The following WBP4 variants were observed in gnomAD, a reference collection of about 807,000 sequenced individuals.
WBP4 encodes WW domain-binding protein 4.
In WBP4, 37 loss-of-function variants were observed where a neutral mutation model predicts 55.4. That is an observed-to-expected ratio of 0.67 (90% CI 0.51 to 0.88). The LOEUF is 0.88. Ranked by LOEUF, WBP4 falls within the 40% of genes least tolerant of loss-of-function variation. The pLI is 0.00. For missense variants in WBP4, 398 were observed against 420.8 expected, an observed-to-expected ratio of 0.95 and a Z score of 0.47; for synonymous variants, 142 against 140.2, an observed-to-expected ratio of 1.01 and a Z score of -0.09.
At chr13:41,067,958 G>A (rs1337335137) in intron 4 of WBP4, among the ~76,000 whole-genome samples, 1 of 152,188 alleles carries the variant, frequency 6.6e-6, no homozygotes, top group East Asian at 1.9e-4. Flanking sequence ...AAGGGAGCAG[G>A]TAGTGGGGAA....
At chr13:41,072,984 A>G (rs1878317590) in intron 7 of WBP4, 127 bp downstream of exon 7, 2 of 671,176 alleles carry the variant, frequency 3.0e-6, no homozygotes, top group Admixed American at 3.5e-5. Context: ...AGTAAACATG[A>G]ATTATTTTTT....
chr13:41,063,045 CT>C (rs1178764119), intron 2 of WBP4, among the ~76,000 whole-genome samples: 1 of 152,052 alleles, frequency 6.6e-6, no homozygotes. Context: ...GTGGAAAGCC[CT>C]TAAAAAATAA....
Position 41,065,090 on chromosome 13 carries a change from T to C in WBP4, c.138+12T>C. On this transcript the variant is annotated intron_variant, in intron 3 of 9. Coordinates refer to ENST00000379487, the MANE Select transcript of WBP4 (RefSeq NM_007187.5). Reference sequence around the variant, plus strand: ...AAAGGATCAGTGAGGTAATTTAGATTGTTTATTTGCTAATTTTTCTATGCA... The same window carrying C: ...AAAGGATCAGTGAGGTAATTTAGATCGTTTATTTGCTAATTTTTCTATGCA... The C allele has an allele frequency of 3.1e-6, 5 of 1,599,642 alleles. No individual in the cohort carries two copies. Among genetic ancestry groups the C allele is most frequent in the Non-Finnish European group, 2.6e-6 (3 of 1,176,124 alleles).
At chr13:41,072,009 G>A (rs1378120887) in intron 6 of WBP4, among the ~76,000 whole-genome samples, 7 of 137,030 alleles carry the variant, frequency 5.1e-5, no homozygotes, top group African/African-American at 2.0e-4. Context: ...TTGCACCACC[G>A]CACTCCAGCC....
chr13:41,080,905 C>G, intron 9 of WBP4, 96 bp downstream of exon 9: 3 of 1,356,446 alleles, frequency 2.2e-6, no homozygotes, highest in Non-Finnish European at 3.1e-6. Context: ...GGATGCTGTG[C>G]TTATTAAAAG....
chr13:41,078,142 TCTGAAATTTATGTG>T (rs1285384679), intron 8 of WBP4, among the ~76,000 whole-genome samples: 2 of 152,184 alleles, frequency 1.3e-5, no homozygotes, highest in African/African-American at 4.8e-5. Context: ...AAAAGCCAAT[TCTGAAATTTATGTG>T]AAACCAAAAA....
At chr13:41,080,523 G>T in intron 8 of WBP4, 123 bp from the exon 9 acceptor site, 4 of 706,100 alleles carry the variant, frequency 5.7e-6, no homozygotes, top group Non-Finnish European at 9.2e-6. Context: ...TGTGTTATGT[G>T]CAGATTTGAG....
intron 2 of WBP4, among the ~76,000 whole-genome samples, chr13:41,064,245 TTCTC>T (rs575501521): frequency 6.6e-6 from 1 of 152,156 alleles, no homozygotes; most frequent in Non-Finnish European, 1.5e-5. Context: ...AAGAGCTTCT[TTCTC>T]TCTGTTACAG....
At chr13:41,076,850 T>TTAGAGTAAGGGTTATGTGCA (rs1878516665) in intron 8 of WBP4, among the ~76,000 whole-genome samples, 1 of 152,180 alleles carries the variant, frequency 6.6e-6, no homozygotes, top group Non-Finnish European at 1.5e-5. Context: ...TTGATGGAAC[T>TTAGAGTAAGGGTTATGTGCA]TAGAGTAAGG....
At chr13:41,062,035 C>A (rs548257884) in intron 1 of WBP4, 2 of 978,634 alleles carry the variant, frequency 2.0e-6, no homozygotes, top group Non-Finnish European at 2.4e-6. Flanking sequence ...TATTGTGAAA[C>A]TAGGGCTGGG....
intron 8 of WBP4, among the ~76,000 whole-genome samples, chr13:41,077,146 G>A (rs1878531928): frequency 6.6e-6 from 1 of 152,108 alleles, no homozygotes; most frequent in South Asian, 2.1e-4. Flanking sequence ...CTTTATTCCA[G>A]GGATGAAAGG....
chr13:41,077,214 A>G (rs1334704121), intron 8 of WBP4, among the ~76,000 whole-genome samples: 2 of 151,976 alleles, frequency 1.3e-5, no homozygotes, highest in African/African-American at 2.4e-5. Context: ...ATTAAAAACA[A>G]CCATATAATC....
At position 41,071,507 on chromosome 13, in the gene WBP4, G is replaced by A; in HGVS notation, c.440-20G>A. ...TTTAAAGCAAAAAGATTTTATAAAT[G>A]CAATATATTTTGCTTTAAGCATCTC... On this transcript the variant is annotated intron_variant, in intron 5 of 9. Coordinates refer to ENST00000379487, the MANE Select transcript of WBP4 (RefSeq NM_007187.5). The A allele has an allele frequency of 1.3e-6, 2 of 1,584,348 alleles. No homozygotes were observed. Among genetic ancestry groups the A allele is most frequent in the Non-Finnish European group, 1.7e-6 (2 of 1,169,846 alleles).
chr13:41,068,630 A>C lies in WBP4; in HGVS notation c.332A>C (p.Lys111Thr). 1 of 1,612,120 alleles carries C rather than the reference A, an allele frequency of 6.2e-7. No homozygotes were observed. Among genetic ancestry groups the C allele is most frequent in the Non-Finnish European group, 8.5e-7 (1 of 1,179,534 alleles). ...CCTACCTCGACATCAAATCAACAGA[A>C]AGAAAAGAAAGAAAAGAAGAAAAGA... ...IPPTSTSNQQKEKKEKKKRKK... is the reference protein window; with the variant it reads ...IPPTSTSNQQTEKKEKKKRKK... Residue 111 changes from lysine (K) to threonine (T), a missense_variant, in exon 5 of 10, where the codon AAA becomes ACA. By Grantham distance (78) the Lys-to-Thr change is moderately conservative (BLOSUM62 -1). Transcript: ENST00000379487.
chr13:41,065,340 G>C, intron 4 of WBP4, 53 bp downstream of exon 4: 3 of 1,512,756 alleles, frequency 2.0e-6, no homozygotes, highest in Non-Finnish European at 2.6e-6. Context: ...AGTAACATCA[G>C]AGGTCAAGCT....
intron 2 of WBP4, among the ~76,000 whole-genome samples, chr13:41,064,362 A>T (rs891439507): frequency 1.3e-5 from 2 of 152,132 alleles, no homozygotes; most frequent in African/African-American, 4.8e-5. Context: ...TGTGTATATC[A>T]TGATTTTGTA....
At chr13:41,072,707 G>A in intron 6 of WBP4, 75 bp from the exon 7 acceptor site, 1 of 1,328,640 alleles carries the variant, frequency 7.5e-7, no homozygotes, top group South Asian at 1.2e-5. Flanking sequence ...AGGCAAGGGT[G>A]GCTGACTGTC....
At chr13:41,074,920 G>C (rs1295429576) in intron 7 of WBP4, among the ~76,000 whole-genome samples, 1 of 152,088 alleles carries the variant, frequency 6.6e-6, no homozygotes, top group Admixed American at 6.6e-5. Flanking sequence ...GCTTGAACCG[G>C]GGAGGTGGAG....
intron 1 of WBP4, chr13:41,062,096 GTTTTTTTTTTTTTTTTT>G (rs60658317): frequency 1.2e-6 from 1 of 805,568 alleles, no homozygotes; most frequent in African/African-American, 2.9e-5. Context: ...TAGCGTAATG[GTTTTTTTTTTTTTTTTT>G]TTTTTTTTTT....
Sources: gnomAD v4.1 joint callset for allele counts (sites outside exome capture counted in the v4.1 genomes callset) on GRCh38, gnomAD v4.1.1 for gene constraint, MANE v1.5 for transcripts, NCBI Gene and HGNC (gene_info 2026-07-23, HGNC 2026-07-21) for gene names.